UBR2: variants seen among roughly 807,000 people sequenced by gnomAD.
UBR2 encodes the protein E3 ubiquitin-protein ligase UBR2.
UBR2 carries 92 observed loss-of-function variants against 247.9 expected under a neutral mutation model. The observed-to-expected ratio is 0.37, with a 90% CI of 0.31 to 0.44. The LOEUF is 0.44. UBR2 is among the 20% of genes least tolerant of loss of function. UBR2 has a pLI of 1.00. For missense variants in UBR2, 1,613 were observed against 2,112.6 expected, an observed-to-expected ratio of 0.76 and a Z score of 4.64; for synonymous variants, 672 against 693.5, an observed-to-expected ratio of 0.97 and a Z score of 0.49.
intron 18 of UBR2, among the ~76,000 whole-genome samples, chr6:42,643,532 G>A (rs1424254924): frequency 6.6e-6 from 1 of 152,134 alleles, no homozygotes; most frequent in Non-Finnish European, 1.5e-5. Flanking sequence ...GGAGGCGGAG[G>A]TTGCAATGAG....
intron 27 of UBR2, 44 bp downstream of exon 27, chr6:42,658,177 T>G (rs772158231): frequency 2.5e-6 from 4 of 1,611,374 alleles, no homozygotes; most frequent in Non-Finnish European, 3.4e-6. Flanking sequence ...AAATATTGAA[T>G]ATTTGTTATG....
intron 2 of UBR2, among the ~76,000 whole-genome samples, chr6:42,581,254 A>G (rs1791882005): frequency 6.7e-6 from 1 of 150,312 alleles, no homozygotes; most frequent in South Asian, 2.1e-4. Context: ...CAGTGGCATG[A>G]TCTCAGCTCA....
chr6:42,588,597 T>C (rs1387079032), intron 2 of UBR2, among the ~76,000 whole-genome samples: 1 of 152,126 alleles, frequency 6.6e-6, no homozygotes, highest in African/African-American at 2.4e-5. Flanking sequence ...CCCAGGAGTT[T>C]AAGGTTGCAG....
At chr6:42,595,297 G>T (rs1260540209) in intron 4 of UBR2, among the ~76,000 whole-genome samples, 1 of 152,116 alleles carries the variant, frequency 6.6e-6, no homozygotes, top group East Asian at 1.9e-4. Flanking sequence ...GCCAACCTGT[G>T]GCAGTCCCTC....
chr6:42,680,234 C>T (rs1798960937), intron 42 of UBR2, among the ~76,000 whole-genome samples: 1 of 152,150 alleles, frequency 6.6e-6, no homozygotes, highest in African/African-American at 2.4e-5. Flanking sequence ...GATTCACCCA[C>T]CTCGGCCTTC....
intron 10 of UBR2, 112 bp from the exon 11 acceptor site, chr6:42,617,297 G>GT (rs1562315445): frequency 6.2e-7 from 1 of 1,614,104 alleles, no homozygotes; most frequent in Non-Finnish European, 8.5e-7. Flanking sequence ...AGCAGTGTCG[G>GT]TGACTGCTCT....
At chr6:42,567,836 G>T (rs1282629042) in intron 1 of UBR2, among the ~76,000 whole-genome samples, 2 of 151,890 alleles carry the variant, frequency 1.3e-5, no homozygotes, top group African/African-American at 2.4e-5. Flanking sequence ...AAGAGTTTGA[G>T]ACCAGCCTGG....
In UBR2 at chr6:42,581,191, C is replaced by CTT. The variant is rs58940824; in HGVS notation, c.338+7209_338+7210dup. 7.1e-4 allele frequency among the ~76,000 whole-genome samples: 102 copies of CTT among 142,890 alleles called. 1 individual carries two copies. The highest frequency in any genetic ancestry group is 7.5e-3 in the Middle Eastern group (2 of 268). The allele number at this position is 142,890 out of a possible 152,430, so 93.7% of individuals were successfully genotyped here. A position where few individuals can be genotyped will look rare whatever the true frequency, so the allele number is the denominator to read the frequency against. On this transcript the variant is annotated intron_variant, in intron 2 of 46. Transcript: ENST00000372901. ...ACTATGTTGACTAATTTTCTTTTTC[C>CTT]TTTTTTTTTTTTCTCCGAGACGGAG...
intron 4 of UBR2, 60 bp downstream of exon 4, chr6:42,594,364 C>T (rs975064179): frequency 2.3e-6 from 3 of 1,327,366 alleles, no homozygotes; most frequent in South Asian, 1.2e-5. Flanking sequence ...GAGAAATAGT[C>T]ATTAGATGAT....
intron 2 of UBR2, among the ~76,000 whole-genome samples, chr6:42,582,254 G>A (rs995978593): frequency 7.5e-6 from 1 of 133,588 alleles, no homozygotes; most frequent in Non-Finnish European, 1.5e-5. Context: ...CTGCACTCCA[G>A]CCTGGGCAAC....
At chr6:42,655,355 G>A (rs939141024) in intron 25 of UBR2, among the ~76,000 whole-genome samples, 1 of 151,386 alleles carries the variant, frequency 6.6e-6, no homozygotes, top group Non-Finnish European at 1.5e-5. Context: ...GCACGCGCCT[G>A]TAGTCCCAGC....
intron 2 of UBR2, among the ~76,000 whole-genome samples, chr6:42,582,393 A>G (rs771597558): frequency 2.6e-5 from 4 of 151,850 alleles, no homozygotes; most frequent in Non-Finnish European, 5.9e-5. Context: ...CTCTTACTTG[A>G]TACATTGGTT....
intron 23 of UBR2, among the ~76,000 whole-genome samples, chr6:42,651,465 G>A (rs1797105692): frequency 1.3e-5 from 2 of 151,754 alleles, no homozygotes; most frequent in African/African-American, 2.4e-5. Context: ...ATCCGTTTGG[G>A]GGAGGACTAG....
At chr6:42,633,162 C>CTTT (rs1361288015) in intron 13 of UBR2, among the ~76,000 whole-genome samples, 1 of 137,136 alleles carries the variant, frequency 7.3e-6, no homozygotes, top group Admixed American at 7.1e-5. Context: ...GGCCCAGCTT[C>CTTT]TTTGTTGTTG....
In UBR2 at chr6:42,632,608, G is replaced by C. The variant is rs1795818369; in HGVS notation, c.1338G>C (p.Met446Ile). 6.2e-7 allele frequency: 1 copy of C among 1,612,960 alleles called. No homozygotes were observed. Among genetic ancestry groups the C allele is most frequent in the Non-Finnish European group, 8.5e-7 (1 of 1,179,604 alleles). ...TGAGCATTATCATTAAGACTTTTATGGATCATTTGAGACATCGAGATGCCC... is the reference window on the plus strand; with the variant it reads ...TGAGCATTATCATTAAGACTTTTATCGATCATTTGAGACATCGAGATGCCC... ...NLMSIIIKTF[M>I]DHLRHRDAQG... The change falls in exon 12 of 47, where the codon ATG (methionine) becomes ATC (isoleucine). Residue 446 changes from methionine (M) to isoleucine (I), a missense_variant. Met to Ile is a conservative substitution (Grantham distance 10). Around this residue, in one of 3 missense-constraint regions of UBR2, gnomAD observed 1,524 missense variants for 1,967.3 expected, o/e 0.77. Transcript: ENST00000372901.
chr6:42,609,374 A>G (rs1793918296), intron 7 of UBR2, among the ~76,000 whole-genome samples: 1 of 152,186 alleles, frequency 6.6e-6, no homozygotes, highest in Non-Finnish European at 1.5e-5. Flanking sequence ...GCAGTCATTA[A>G]CAGAAAAAAA....
chr6:42,606,577 ATATCT>A lies in UBR2; in HGVS notation c.802-10_802-6del, dbSNP rs767042238. 6.2e-7 allele frequency: 1 copy of A among 1,607,968 alleles called. No individual in the cohort carries two copies. Among genetic ancestry groups the A allele is most frequent in the South Asian group, 1.1e-5 (1 of 89,740 alleles). On this transcript the variant is annotated splice_region_variant and splice_polypyrimidine_tract_variant and intron_variant, in intron 6 of 46. Coordinates refer to ENST00000372901, the MANE Select transcript of UBR2 (RefSeq NM_001363705.2). Reference sequence around the variant, plus strand: ...CAATACTTTTACAGCTTAATTTTAAATATCTTTACAGGGGCGTAGGTCTGTTCGAT... The same window carrying A: ...CAATACTTTTACAGCTTAATTTTAAATTACAGGGGCGTAGGTCTGTTCGAT...
At chr6:42,591,719 A>G (rs1225175902) in intron 2 of UBR2, among the ~76,000 whole-genome samples, 2 of 152,140 alleles carry the variant, frequency 1.3e-5, no homozygotes, top group Non-Finnish European at 2.9e-5. Context: ...CTTTCTAGGG[A>G]TGTATACATA....
chr6:42,582,140 G>A (rs558481119), intron 2 of UBR2, among the ~76,000 whole-genome samples: 8 of 152,050 alleles, frequency 5.3e-5, no homozygotes, highest in East Asian at 1.9e-4. Context: ...AAAATTAGCC[G>A]GGCGTGGTGG....
Sources: allele counts gnomAD v4.1 joint callset (sites outside exome capture counted in the v4.1 genomes callset), GRCh38; gene constraint gnomAD v4.1.1; regional missense constraint gnomAD v4.1.1; transcripts MANE v1.5; gene names NCBI Gene and HGNC (gene_info 2026-07-23, HGNC 2026-07-21).